The following FHIT variants were observed in gnomAD, a reference collection of about 807,000 sequenced individuals.
The protein encoded by FHIT is bis(5'-adenosyl)-triphosphatase.
FHIT carries 19 observed loss-of-function variants against 17.9 expected under a neutral mutation model. The ratio of observed to expected loss-of-function variants is 1.06; its 90% CI spans 0.74 to 1.56. The LOEUF is 1.56. FHIT is among the 40% of genes most tolerant of loss of function. The pLI is 0.00. For missense variants in FHIT, 248 were observed against 189.2 expected (o/e 1.31, Z -1.82); for synonymous variants, 81 against 69.7 (o/e 1.16, Z -0.81).
chr3:60,463,299 T>TCACAAATATTTG (rs1439440677), intron 5 of FHIT, among the ~76,000 whole-genome samples: 6 of 152,200 alleles, frequency 3.9e-5, no homozygotes, highest in Non-Finnish European at 8.8e-5. Flanking sequence ...AAGAAATAGT[T>TCACAAATATTTG]CACAAATCTA....
At chr3:61,214,808 C>A (rs1462484206) in intron 1 of FHIT, among the ~76,000 whole-genome samples, 1 of 152,192 alleles carries the variant, frequency 6.6e-6, no homozygotes, top group Non-Finnish European at 1.5e-5. Flanking sequence ...GCTTATCCAC[C>A]ATGATCAAGT....
chr3:60,560,295 T>G (rs1039677631), intron 4 of FHIT, among the ~76,000 whole-genome samples: 7 of 152,238 alleles, frequency 4.6e-5, no homozygotes, highest in African/African-American at 1.7e-4. Context: ...GGGCTTCTCA[T>G]AGGCACAGTA....
At chr3:61,207,909 G>A (rs2039305444) in intron 1 of FHIT, among the ~76,000 whole-genome samples, 1 of 152,022 alleles carries the variant, frequency 6.6e-6, no homozygotes. Context: ...GTGATGTTAG[G>A]GTGGCACTTT....
chr3:60,124,650 A>C (rs1171590983), intron 5 of FHIT, among the ~76,000 whole-genome samples: 2 of 152,204 alleles, frequency 1.3e-5, no homozygotes, highest in African/African-American at 4.8e-5. Context: ...CATCAGAAGC[A>C]TGTCTACCAA....
At chr3:60,699,101 C>T (rs1261759070) in intron 4 of FHIT, among the ~76,000 whole-genome samples, 2 of 152,088 alleles carry the variant, frequency 1.3e-5, no homozygotes, top group African/African-American at 4.8e-5. Flanking sequence ...ATGGGTATCT[C>T]TGTGTGTGTA....
At chr3:60,384,467 C>T (rs541493984) in intron 5 of FHIT, among the ~76,000 whole-genome samples, 72 of 152,016 alleles carry the variant, frequency 4.7e-4, no homozygotes, top group Non-Finnish European at 8.2e-4. Context: ...TAGCCCCATG[C>T]GAGGAGAGAG....
chr3:60,668,590 C>T (rs1446308150), intron 4 of FHIT, among the ~76,000 whole-genome samples: 1 of 125,940 alleles, frequency 7.9e-6, no homozygotes, highest in Non-Finnish European at 1.6e-5. Flanking sequence ...GAGACGGAAT[C>T]TCGCTCTGTC....
chr3:61,203,756 G>T (rs1405275846), intron 1 of FHIT, among the ~76,000 whole-genome samples: 2 of 152,192 alleles, frequency 1.3e-5, no homozygotes, highest in Admixed American at 6.5e-5. Flanking sequence ...TGTTTACAAG[G>T]AGGAGAGAAA....
At chr3:61,188,576 A>G (rs2038603760) in intron 2 of FHIT, among the ~76,000 whole-genome samples, 2 of 152,216 alleles carry the variant, frequency 1.3e-5, no homozygotes, top group African/African-American at 2.4e-5. Flanking sequence ...TCCCTAACTC[A>G]TTTTATGAGG....
chr3:61,009,279 G>A (rs956821756), intron 3 of FHIT, among the ~76,000 whole-genome samples: 7 of 152,158 alleles, frequency 4.6e-5, no homozygotes, highest in Non-Finnish European at 1.0e-4. Flanking sequence ...AGAAGGCCAC[G>A]TGATATATGT....
Position 60,853,632 on chromosome 3 carries a change from T to G in FHIT, c.-110-31621A>C, listed in dbSNP as rs182491684. On this transcript the variant is annotated intron_variant, in intron 3 of 9. Coordinates refer to ENST00000492590, the MANE Select transcript of FHIT (RefSeq NM_002012.4). ...CAAACCTCACCTTTGTATTTGAGGA[T>G]ATCTGGTGTATTTTAGTGCAATTCT... 1.8e-3 allele frequency among the ~76,000 whole-genome samples: 273 copies of G among 152,242 alleles called. 3 individuals carry two copies. The highest frequency in any genetic ancestry group is 6.0e-3 in the African/African-American group (250 of 41,540).
At chr3:60,557,825 G>A (rs1308134221) in intron 4 of FHIT, among the ~76,000 whole-genome samples, 2 of 151,940 alleles carry the variant, frequency 1.3e-5, no homozygotes, top group Non-Finnish European at 2.9e-5. Context: ...GTAAAACAAT[G>A]ATGTGTGTTC....
intron 5 of FHIT, among the ~76,000 whole-genome samples, chr3:60,274,775 A>T (rs213348): frequency 6.6e-6 from 1 of 152,128 alleles, no homozygotes; most frequent in Non-Finnish European, 1.5e-5. Flanking sequence ...TCATGGCCTT[A>T]GTAGCCAGAC....
chr3:60,854,993 C>A (rs1286504934), intron 3 of FHIT, among the ~76,000 whole-genome samples: 2 of 149,184 alleles, frequency 1.3e-5, no homozygotes, highest in African/African-American at 2.4e-5. Context: ...TACTCAAGAT[C>A]TCTTTTGTGC....
chr3:59,942,462 G>A (rs1192440279), intron 7 of FHIT, among the ~76,000 whole-genome samples: 1 of 152,120 alleles, frequency 6.6e-6, no homozygotes, highest in Non-Finnish European at 1.5e-5. Flanking sequence ...TCGACCAAGA[G>A]TGAGGTTGGT....
chr3:60,827,729 G>C (rs1262172108), intron 3 of FHIT, among the ~76,000 whole-genome samples: 1 of 152,202 alleles, frequency 6.6e-6, no homozygotes, highest in Non-Finnish European at 1.5e-5. Context: ...AGGGAGCTGT[G>C]CACTAAAATG....
chr3:59,840,818 C>T (rs978886469), intron 8 of FHIT, among the ~76,000 whole-genome samples: 1 of 152,158 alleles, frequency 6.6e-6, no homozygotes, highest in Admixed American at 6.5e-5. Context: ...GGACCTTGGG[C>T]ACCTCAGTTT....
intron 2 of FHIT, among the ~76,000 whole-genome samples, chr3:61,136,361 A>G (rs1174311165): frequency 1.3e-5 from 2 of 152,204 alleles, no homozygotes; most frequent in Non-Finnish European, 2.9e-5. Flanking sequence ...TCATAATCAA[A>G]TTAACTTGGC....
intron 5 of FHIT, among the ~76,000 whole-genome samples, chr3:60,090,202 C>T (rs996396042): frequency 1.3e-5 from 2 of 152,018 alleles, no homozygotes; most frequent in Admixed American, 6.6e-5. Context: ...TAAACTTAAC[C>T]TCTCACTAAG....
Sources: allele counts gnomAD v4.1 joint callset (sites outside exome capture counted in the v4.1 genomes callset), GRCh38; gene constraint gnomAD v4.1.1; transcripts MANE v1.5; gene names NCBI Gene and HGNC (gene_info 2026-07-23, HGNC 2026-07-21).